The following RALYL variants were observed in gnomAD, a reference collection of about 807,000 sequenced individuals.
RALYL encodes the protein RNA-binding Raly-like protein.
A neutral mutation model predicts 35.1 loss-of-function variants in RALYL; 29 were observed. The observed-to-expected ratio is 0.83, with a 90% confidence interval of 0.61 to 1.13. The LOEUF (loss-of-function observed/expected upper bound fraction) is 1.13. Among genes scored for constraint, RALYL ranks in the 50% most tolerant of loss-of-function variants. RALYL has a pLI of 0.00. For missense variants in RALYL, 359 were observed against 360.4 expected, an observed-to-expected ratio of 1.00 and a Z score of 0.03; for synonymous variants, 120 against 127.6, an observed-to-expected ratio of 0.94 and a Z score of 0.40.
chr8:84,464,536 A>T (rs1159102067), intron 1 of RALYL, among the ~76,000 whole-genome samples: 1 of 150,154 alleles, frequency 6.7e-6, no homozygotes, highest in African/African-American at 2.4e-5. Context: ...AATCCAGTCT[A>T]TCATTGTTGG....
In RALYL at chr8:84,183,350, C is replaced by G. The variant is rs577827167; in HGVS notation, c.-1098C>G. 1.9e-5 allele frequency: 3 copies of G among 154,528 alleles called. No individual in the cohort carries two copies. Among genetic ancestry groups the G allele is most frequent in the African/African-American group, 7.2e-5 (3 of 41,586 alleles). The allele number at this position is 154,528 out of a possible 1,614,324, so 9.6% of individuals were successfully genotyped here. The stretch of plus-strand genomic sequence containing the variant: ...GGTGTTGCCGCTCTCAGGCGCCAGG[C>G]TCCCCGTCGCCGCCGCCGCCGCCTC... On this transcript the variant is annotated 5_prime_UTR_variant, in exon 1 of 9. Transcript: ENST00000521268.
At chr8:84,441,868 G>A (rs1298185581) in intron 1 of RALYL, among the ~76,000 whole-genome samples, 3 of 152,062 alleles carry the variant, frequency 2.0e-5, no homozygotes, top group African/African-American at 7.2e-5. Flanking sequence ...CTCAGGACTA[G>A]TATTGGGGCA....
chr8:84,664,308 A>G (rs1473846146), intron 2 of RALYL, among the ~76,000 whole-genome samples: 1 of 64,466 alleles, frequency 1.6e-5, no homozygotes, highest in Non-Finnish European at 3.0e-5. Context: ...TGCCTTGACT[A>G]TTCAGGTTCT....
intron 1 of RALYL, among the ~76,000 whole-genome samples, chr8:84,379,315 C>A (rs994776293): frequency 6.6e-5 from 10 of 151,858 alleles, no homozygotes; most frequent in Non-Finnish European, 1.0e-4. Flanking sequence ...AGGCCTAGAT[C>A]GTTTTTCACA....
chr8:84,192,627 G>A (rs973818037), intron 1 of RALYL, among the ~76,000 whole-genome samples: 3 of 151,164 alleles, frequency 2.0e-5, no homozygotes, highest in Admixed American at 6.6e-5. Flanking sequence ...ACACGATTTC[G>A]GCTCACTGCA....
intron 7 of RALYL, among the ~76,000 whole-genome samples, chr8:84,877,121 A>G (rs1841296086): frequency 6.6e-6 from 1 of 152,136 alleles, no homozygotes; most frequent in African/African-American, 2.4e-5. Flanking sequence ...CACTTGGTTC[A>G]GTTATCACTC....
chr8:84,846,515 T>C (rs769527421), intron 4 of RALYL, among the ~76,000 whole-genome samples: 3 of 152,232 alleles, frequency 2.0e-5, no homozygotes, highest in Admixed American at 2.0e-4. Context: ...GTTAGGATGA[T>C]GCTGACTTCA....
chr8:84,655,243 T>G (rs1240763821), intron 2 of RALYL, among the ~76,000 whole-genome samples: 2 of 152,166 alleles, frequency 1.3e-5, no homozygotes, highest in Non-Finnish European at 2.9e-5. Context: ...TGTCTTCTTT[T>G]GAGAAATGTC....
intron 1 of RALYL, among the ~76,000 whole-genome samples, chr8:84,386,408 TG>T (rs1427399480): frequency 6.6e-6 from 1 of 151,876 alleles, no homozygotes; most frequent in East Asian, 1.9e-4. Context: ...ATTTAATTGG[TG>T]GTAATATAAT....
chr8:84,268,259 T>C (rs1384466367), intron 1 of RALYL, among the ~76,000 whole-genome samples: 2 of 152,176 alleles, frequency 1.3e-5, no homozygotes, highest in Non-Finnish European at 2.9e-5. Flanking sequence ...ACAGTTTCAG[T>C]CATAAACCAG....
chr8:84,442,451 C>T (rs562523422), intron 1 of RALYL, among the ~76,000 whole-genome samples: 33 of 152,168 alleles, frequency 2.2e-4, no homozygotes, highest in Admixed American at 4.6e-4. Flanking sequence ...CTACAACCAC[C>T]ATTTTTGCTT....
intron 1 of RALYL, among the ~76,000 whole-genome samples, chr8:84,287,535 T>A (rs1418116872): frequency 1.3e-5 from 2 of 152,052 alleles, no homozygotes; most frequent in Non-Finnish European, 2.9e-5. Context: ...ATCTTGTTTG[T>A]TACATGAGAA....
chr8:84,851,930 C>T (rs7357451), intron 5 of RALYL, among the ~76,000 whole-genome samples: 5,520 of 152,274 alleles, frequency 0.036, 327 homozygotes, highest in African/African-American at 0.13. Context: ...TGTCTTCCTT[C>T]CCCCACCTGA....
At chr8:84,344,729 C>T (rs938465419) in intron 1 of RALYL, among the ~76,000 whole-genome samples, 2 of 152,080 alleles carry the variant, frequency 1.3e-5, no homozygotes, top group African/African-American at 4.8e-5. Flanking sequence ...CCCTTACCAC[C>T]AATCTACCCT....
At chr8:84,318,835 T>A (rs1485282762) in intron 1 of RALYL, among the ~76,000 whole-genome samples, 2 of 152,160 alleles carry the variant, frequency 1.3e-5, no homozygotes, top group Non-Finnish European at 2.9e-5. Context: ...GTCCATTAGT[T>A]TCAATATCTG....
chr8:84,197,669 C>T (rs561861016), intron 1 of RALYL, among the ~76,000 whole-genome samples: 6 of 151,916 alleles, frequency 3.9e-5, no homozygotes, highest in African/African-American at 1.4e-4. Context: ...TGGCTCACGC[C>T]TGTAATCCGA....
intron 1 of RALYL, among the ~76,000 whole-genome samples, chr8:84,256,328 T>A (rs1292514875): frequency 1.3e-5 from 2 of 150,300 alleles, no homozygotes; most frequent in African/African-American, 2.5e-5. Flanking sequence ...CTGAACAACA[T>A]TTTTAATTTT....
intron 2 of RALYL, among the ~76,000 whole-genome samples, chr8:84,702,118 T>C (rs1840299297): frequency 6.6e-6 from 1 of 152,164 alleles, no homozygotes; most frequent in Admixed American, 6.6e-5. Flanking sequence ...TTCAATGAAA[T>C]AATGCATATA....
At chr8:84,580,366 G>C (rs1467017832) in intron 2 of RALYL, among the ~76,000 whole-genome samples, 1 of 152,182 alleles carries the variant, frequency 6.6e-6, no homozygotes, top group Admixed American at 6.5e-5. Context: ...ATAAGAAGGA[G>C]GGTGCTGACA....
Sources: allele counts gnomAD v4.1 joint callset (sites outside exome capture counted in the v4.1 genomes callset), GRCh38; gene constraint gnomAD v4.1.1; transcripts MANE v1.5; gene names NCBI Gene and HGNC (gene_info 2026-07-23, HGNC 2026-07-21).